The following DCBLD2 variants were observed in gnomAD, a reference collection of about 807,000 sequenced individuals.
The protein encoded by DCBLD2 is discoidin, CUB and LCCL domain-containing protein 2.
Under a neutral mutation model 86.8 loss-of-function variants are expected in DCBLD2, and 54 were observed. The ratio of observed to expected loss-of-function variants is 0.62; its 90% CI spans 0.50 to 0.78. The LOEUF (loss-of-function observed/expected upper bound fraction) is 0.78, where lower values mean the gene tolerates loss of function less well. Ranked by LOEUF, DCBLD2 falls within the 30% of genes least tolerant of loss-of-function variation. The pLI is 0.00. For synonymous variants in DCBLD2, 354 were observed against 341.3 expected (o/e 1.04, Z -0.41); for missense variants, 908 against 954.2 (o/e 0.95, Z 0.64).
At chr3:98,846,137 A>C (rs1942716949) in intron 3 of DCBLD2, among the ~76,000 whole-genome samples, 1 of 152,204 alleles carries the variant, frequency 6.6e-6, no homozygotes, top group Admixed American at 6.5e-5. Flanking sequence ...AGATTTTTAT[A>C]ATGGGCTCTT....
At chr3:98,832,233 T>G (rs1378672776) in intron 3 of DCBLD2, among the ~76,000 whole-genome samples, 1 of 152,190 alleles carries the variant, frequency 6.6e-6, no homozygotes, top group African/African-American at 2.4e-5. Context: ...TTAAAGTCTG[T>G]TTTGTCTGAA....
intron 7 of DCBLD2, 107 bp from the exon 8 acceptor site, chr3:98,819,524 A>T: frequency 9.2e-7 from 1 of 1,090,776 alleles, no homozygotes; most frequent in Admixed American, 2.2e-5. Flanking sequence ...CATACACTAC[A>T]CTAATAATAC....
At chr3:98,877,718 C>A (rs1943395445) in intron 2 of DCBLD2, among the ~76,000 whole-genome samples, 1 of 152,162 alleles carries the variant, frequency 6.6e-6, no homozygotes, top group African/African-American at 2.4e-5. Context: ...CCATTCTCCA[C>A]TAAAAAGAAC....
At chr3:98,852,163 G>C (rs1942851657) in intron 2 of DCBLD2, among the ~76,000 whole-genome samples, 1 of 151,740 alleles carries the variant, frequency 6.6e-6, no homozygotes, top group Admixed American at 6.6e-5. Context: ...CTGGTAACTT[G>C]TTATTTTCTT....
chr3:98,865,124 G>C (rs1433547875), intron 2 of DCBLD2, among the ~76,000 whole-genome samples: 1 of 152,028 alleles, frequency 6.6e-6, no homozygotes, highest in African/African-American at 2.4e-5. Context: ...CATATCCAAA[G>C]AAAATGAAAT....
intron 3 of DCBLD2, among the ~76,000 whole-genome samples, chr3:98,825,639 GTATTTATA>G (rs1239260390): frequency 5.0e-5 from 3 of 59,434 alleles, no homozygotes; most frequent in Non-Finnish European, 1.0e-4. Flanking sequence ...ATGTATATGT[GTATTTATA>G]TATATATATA....
intron 2 of DCBLD2, among the ~76,000 whole-genome samples, chr3:98,855,694 T>C (rs1411621461): frequency 6.6e-6 from 1 of 152,232 alleles, no homozygotes; most frequent in East Asian, 1.9e-4. Flanking sequence ...CTATCTACAA[T>C]GGTAACCAAA....
intron 3 of DCBLD2, among the ~76,000 whole-genome samples, chr3:98,843,512 G>A (rs543254452): frequency 2.0e-5 from 3 of 152,084 alleles, no homozygotes; most frequent in East Asian, 1.9e-4. Flanking sequence ...AAAAATAACC[G>A]GTTACAGAAA....
rs376761565 is a variant in DCBLD2 at position 98,801,660 on chromosome 3, A to G, written c.1671-11T>C. 1,328 of 1,600,616 alleles carry G rather than the reference A, an allele frequency of 8.3e-4. 19 individuals are homozygous for G. The South Asian group carries it at 9.7e-3, about 12-fold the overall frequency. On this transcript the variant is annotated splice_polypyrimidine_tract_variant and intron_variant, in intron 13 of 15. Transcript: ENST00000326840. Reference sequence around the variant, plus strand: ...TCAGTTTTTTTCTTTCTGGAAAAATACAGAAGAGAAGTTAGCAAACAGAGT... The same window carrying G: ...TCAGTTTTTTTCTTTCTGGAAAAATGCAGAAGAGAAGTTAGCAAACAGAGT...
chr3:98,819,978 A>G (rs981846004), intron 7 of DCBLD2, among the ~76,000 whole-genome samples: 1 of 152,234 alleles, frequency 6.6e-6, no homozygotes, highest in African/African-American at 2.4e-5. Flanking sequence ...CTCAGTAAGT[A>G]TTTTCTGTTG....
At chr3:98,855,019 G>T (rs906172686) in intron 2 of DCBLD2, among the ~76,000 whole-genome samples, 1 of 151,014 alleles carries the variant, frequency 6.6e-6, no homozygotes, top group African/African-American at 2.5e-5. Flanking sequence ...TAAAATTAAC[G>T]TTTATTTATC....
rs147754072 is a variant in DCBLD2 at position 98,803,926 on chromosome 3, G to A, written c.1671-2277C>T. On this transcript the variant is annotated intron_variant, in intron 13 of 15. Transcript: ENST00000326840. ...GATCACAGTGGATAAGCTTTTTGAC[G>A]TGCTGCTGGATTCGGTTTGCCAGTA... is the stretch of plus-strand genomic sequence containing the variant. 4.5e-3 allele frequency among the ~76,000 whole-genome samples: 680 copies of A among 152,288 alleles called. 5 individuals carry two copies. Among genetic ancestry groups the A allele is most frequent in the African/African-American group, 0.015 (633 of 41,556 alleles).
chr3:98,874,408 GCA>G (rs1300058313), intron 2 of DCBLD2, among the ~76,000 whole-genome samples: 3 of 152,012 alleles, frequency 2.0e-5, no homozygotes, highest in East Asian at 1.9e-4. Flanking sequence ...TTCCAACAAT[GCA>G]CAGTTATTTC....
chr3:98,835,606 A>G (rs1942425154), intron 3 of DCBLD2, among the ~76,000 whole-genome samples: 1 of 147,600 alleles, frequency 6.8e-6, no homozygotes, highest in Admixed American at 6.8e-5. Flanking sequence ...CTTGAGTGCA[A>G]TGGTGCAATC....
chr3:98,844,062 A>ACACACACACACACACC lies in DCBLD2; in HGVS notation c.571+5398_571+5399insGGTGTGTGTGTGTGTG, dbSNP rs1459005169. Among the ~76,000 whole-genome samples the ACACACACACACACACC allele has an allele frequency of 5.3e-4, 77 of 144,108 alleles. 1 individual carries two copies. The highest frequency in any genetic ancestry group is 1.5e-3 in the South Asian group (7 of 4,522). 94.5% of individuals were successfully genotyped at this position (144,108 alleles called of 152,430 possible). A position where few individuals can be genotyped will look rare whatever the true frequency, so the allele number is the denominator to read the frequency against. On this transcript the variant is annotated intron_variant, in intron 3 of 15. Coordinates refer to ENST00000326840, the MANE Select transcript of DCBLD2 (RefSeq NM_080927.4). The stretch of plus-strand genomic sequence containing the variant: ...CACACACACACACACACACACACAC[A>ACACACACACACACACC]CCCCAATTATGGTACATATGAATAA...
In DCBLD2 at chr3:98,829,675, G is replaced by A. The variant is rs183680923; in HGVS notation, c.572-4309C>T. On this transcript the variant is annotated intron_variant, in intron 3 of 15. Transcript: ENST00000326840. ...TTCTTTATCCAGTCTACCATTAATG[G>A]ACATTTAGGTTGACTCCATGTCTTT... Among the ~76,000 whole-genome samples the A allele has an allele frequency of 3.6e-3, 542 of 152,222 alleles. 5 individuals are homozygous for A. Among genetic ancestry groups the A allele is most frequent in the African/African-American group, 9.6e-3 (398 of 41,528 alleles).
intron 1 of DCBLD2, among the ~76,000 whole-genome samples, chr3:98,886,017 G>C (rs1279336683): frequency 6.6e-6 from 1 of 151,820 alleles, no homozygotes; most frequent in African/African-American, 2.4e-5. Flanking sequence ...TGCTGACTTA[G>C]AGTTAAAGCT....
chr3:98,875,799 G>A (rs1368650872), intron 2 of DCBLD2, among the ~76,000 whole-genome samples: 1 of 152,048 alleles, frequency 6.6e-6, no homozygotes, highest in East Asian at 1.9e-4. Flanking sequence ...CAAACCACTG[G>A]GACAAAGATA....
chr3:98,807,307 G>A (rs1941859047), intron 13 of DCBLD2, among the ~76,000 whole-genome samples: 1 of 152,230 alleles, frequency 6.6e-6, no homozygotes, highest in Admixed American at 6.5e-5. Context: ...AAATTCATAT[G>A]TTGAAATCCT....
Sources: allele counts gnomAD v4.1 joint callset (sites outside exome capture counted in the v4.1 genomes callset), GRCh38; gene constraint gnomAD v4.1.1; transcripts MANE v1.5; gene names NCBI Gene and HGNC (gene_info 2026-07-23, HGNC 2026-07-21).